Variants in TBC1D9B observed in about 807,000 individuals in gnomAD.
The protein encoded by TBC1D9B is TBC1 domain family member 9B.
In TBC1D9B, 87 loss-of-function variants were observed where a neutral mutation model predicts 121.1. The observed-to-expected ratio is 0.72, with a 90% CI of 0.60 to 0.86. The LOEUF (loss-of-function observed/expected upper bound fraction) is 0.86, where lower values mean the gene tolerates loss of function less well. TBC1D9B is among the 40% of genes least tolerant of loss of function. The pLI is 0.00. For synonymous variants in TBC1D9B, 668 were observed against 670.1 expected, an observed-to-expected ratio of 1.00 and a Z score of 0.05; for missense variants, 1,540 against 1,628.6, an observed-to-expected ratio of 0.95 and a Z score of 0.94.
At chr5:179,887,560 T>C (rs1760724457) in intron 7 of TBC1D9B, 2 of 159,268 alleles carry the variant, frequency 1.3e-5, no homozygotes, top group African/African-American at 4.8e-5. Flanking sequence ...TAAACAGATT[T>C]AAGAGACCTA....
At chr5:179,901,454 C>T (rs1239855022) in intron 2 of TBC1D9B, among the ~76,000 whole-genome samples, 1 of 152,172 alleles carries the variant, frequency 6.6e-6, no homozygotes, top group Non-Finnish European at 1.5e-5. Flanking sequence ...GAAATCTCCT[C>T]CTCGCTGCCT....
In TBC1D9B at chr5:179,870,457, G is replaced by T; in HGVS notation, c.2523C>A (p.Arg841=). ...TGGGGTCCCGACGGCCGGCCATTGTGCGGCTGCACCCCCAGTACTGGCTAG... is the reference window on the plus strand; with the variant it reads ...TGGGGTCCCGACGGCCGGCCATTGTTCGGCTGCACCCCCAGTACTGGCTAG... ...HLASQYWGCS[R]TMAGRRDPSL... Residue 841 remains arginine (R), a synonymous_variant, in exon 16 of 21, where the codon CGC becomes CGA. Coordinates refer to ENST00000355235, the MANE Select transcript of TBC1D9B (RefSeq NM_015043.4). The T allele has an allele frequency of 6.2e-7, 1 of 1,612,598 alleles. No homozygotes were observed. Among genetic ancestry groups the T allele is most frequent in the African/African-American group, 1.3e-5 (1 of 75,066 alleles).
At chr5:179,877,876 A>G (rs1760405636) in intron 10 of TBC1D9B, among the ~76,000 whole-genome samples, 1 of 152,184 alleles carries the variant, frequency 6.6e-6, no homozygotes, top group African/African-American at 2.4e-5. Context: ...AATGGAAAGT[A>G]GAACAGTGGT....
intron 7 of TBC1D9B, among the ~76,000 whole-genome samples, chr5:179,881,452 C>T (rs972214489): frequency 2.0e-5 from 3 of 152,188 alleles, no homozygotes; most frequent in African/African-American, 7.2e-5. Context: ...GTCGCTCTCC[C>T]AGCACAGAAC....
At chr5:179,877,592 T>C (rs1029782062) in intron 10 of TBC1D9B, among the ~76,000 whole-genome samples, 2 of 142,376 alleles carry the variant, frequency 1.4e-5, no homozygotes, top group African/African-American at 2.6e-5. Context: ...TGAACCTGGG[T>C]GGTAGAGGTT....
At chr5:179,866,568 G>C (rs1188944729) in intron 18 of TBC1D9B, 1 of 152,420 alleles carries the variant, frequency 6.6e-6, no homozygotes, top group African/African-American at 2.4e-5. Flanking sequence ...CACCTCTCTG[G>C]GCTCAGGCAA....
In TBC1D9B at chr5:179,900,547, C is replaced by T. The variant is rs551667602; in HGVS notation, c.230-1240G>A. Reference sequence around the variant, plus strand: ...GTGGTCAGATTCTGTAAGGTGGCCGCGAACACTGAGTTAGCGAATCCTGAA... The same window carrying T: ...GTGGTCAGATTCTGTAAGGTGGCCGTGAACACTGAGTTAGCGAATCCTGAA... On this transcript the variant is annotated intron_variant, in intron 2 of 20. Transcript: ENST00000355235. Among the ~76,000 whole-genome samples the T allele has an allele frequency of 7.9e-5, 12 of 152,252 alleles. No individual in the cohort carries two copies. The South Asian group carries it at 2.1e-3, about 26-fold the overall frequency.
In TBC1D9B at chr5:179,874,863, CT is replaced by C; in HGVS notation, c.2186+38del. 1 of 1,601,830 alleles carries C rather than the reference CT, an allele frequency of 6.2e-7. No homozygotes were observed. Among genetic ancestry groups the C allele is most frequent in the Non-Finnish European group, 8.5e-7 (1 of 1,175,560 alleles). On this transcript the variant is annotated intron_variant, in intron 12 of 20. Transcript: ENST00000355235. This position sits in a 1 kb window ranked among gnomAD's most constrained non-coding sequence, Gnocchi z 4.3. Reference sequence around the variant, plus strand: ...TGCCCGGGGCTGGTGAGGGGTTCTGCTGTGAGCCCCCAGCAGGAGAAGGAAC... The same window carrying C: ...TGCCCGGGGCTGGTGAGGGGTTCTGCGTGAGCCCCCAGCAGGAGAAGGAAC...
chr5:179,886,395 C>G (rs1760685051), intron 7 of TBC1D9B, among the ~76,000 whole-genome samples: 1 of 152,254 alleles, frequency 6.6e-6, no homozygotes, highest in Admixed American at 6.5e-5. Flanking sequence ...GTGAGTGGTG[C>G]TTACTCAGCT....
intron 18 of TBC1D9B, chr5:179,866,103 C>T: frequency 1.8e-6 from 1 of 564,538 alleles, no homozygotes; most frequent in South Asian, 2.1e-5. Flanking sequence ...CTCACTTGGT[C>T]AGGTTAAAAT....
chr5:179,879,230 C>A, intron 8 of TBC1D9B, 33 bp from the exon 9 acceptor site: 1 of 1,585,826 alleles, frequency 6.3e-7, no homozygotes, highest in Admixed American at 1.7e-5. Flanking sequence ...AGCCTGGGGG[C>A]CGAAGCGCAT....
chr5:179,907,185 G>A lies in TBC1D9B; in HGVS notation c.118+519C>T, dbSNP rs1761345494. Among the ~76,000 whole-genome samples the A allele has an allele frequency of 6.6e-6, 1 of 152,214 alleles. No homozygotes were observed. ...GAAAGGTGGGGGAGGAGAAGCTGGG[G>A]GAATGGGGGTGCGGCCAGCTCCAGG... On this transcript the variant is annotated intron_variant, in intron 1 of 20. Transcript: ENST00000355235. This position sits in a 1 kb window ranked among gnomAD's most constrained non-coding sequence, Gnocchi z 5.3.
rs1375453701 is a variant in TBC1D9B, at chr5:179,885,816, C to T, written c.1254+2287G>A. ...CATTAACACGTAAACAGGTCGTGCC[C>T]TCCTCTGGTCATGACTCTTCACTGG... On this transcript the variant is annotated intron_variant, in intron 7 of 20. Transcript: ENST00000355235. This position sits in a 1 kb window ranked among gnomAD's most constrained non-coding sequence, Gnocchi z 4.5. Among the ~76,000 whole-genome samples, 2 of 152,142 alleles carry T rather than the reference C, an allele frequency of 1.3e-5. No individual in the cohort carries two copies. Among genetic ancestry groups the T allele is most frequent in the Non-Finnish European group, 2.9e-5 (2 of 68,030 alleles).
rs143311367 is a variant in TBC1D9B, at chr5:179,894,438, C to G, written c.525G>C (p.Leu175=). The G allele has an allele frequency of 1.9e-4, 306 of 1,614,062 alleles. No homozygotes were observed. In the African/African-American group the frequency reaches 3.6e-3, roughly 19 times the overall value. Residue 175 remains leucine (L), a synonymous_variant, in exon 4 of 21, where the codon CTG becomes CTC. Coordinates refer to ENST00000355235, the MANE Select transcript of TBC1D9B (RefSeq NM_015043.4). ...WKGRVPRQGW[L]YLTVNHLCFY... The stretch of plus-strand genomic sequence containing the variant: ...AGCACAGGTGGTTGACCGTCAGGTA[C>G]AGCCAGCCCTGCCGGGGCACGCGGC...
At chr5:179,892,058 G>C (rs900417202) in intron 5 of TBC1D9B, among the ~76,000 whole-genome samples, 4 of 152,210 alleles carry the variant, frequency 2.6e-5, no homozygotes, top group Non-Finnish European at 5.9e-5. Context: ...AAAGCATGCG[G>C]CTGCTAACAG....
intron 18 of TBC1D9B, chr5:179,866,528 TCGCTGGCTGTCTGGTGGCAGTGAAGGGC>T (rs1760016379): frequency 6.6e-6 from 1 of 152,356 alleles, no homozygotes; most frequent in South Asian, 2.1e-4. Context: ...TGAGCTGCTC[TCGCTGGCTGTCTGGTGGCAGTGAAGGGC>T]ACACCTCTCT....
intron 5 of TBC1D9B, 143 bp downstream of exon 5, chr5:179,893,066 T>C: frequency 1.7e-6 from 2 of 1,207,156 alleles, no homozygotes; most frequent in Non-Finnish European, 2.3e-6. Context: ...TCTGTTTACC[T>C]GGCTTCCTTC....
chr5:179,867,976 G>T, intron 17 of TBC1D9B, 127 bp from the exon 18 acceptor site: 1 of 718,388 alleles, frequency 1.4e-6, no homozygotes, highest in Non-Finnish European at 2.1e-6. Flanking sequence ...CCCAGCACCT[G>T]CCCATGACAG....
rs962835771 is a variant in TBC1D9B, at chr5:179,862,889, G to A, written c.*559C>T. 3.2e-6 allele frequency: 1 copy of A among 312,296 alleles called. No individual in the cohort carries two copies. Among genetic ancestry groups the A allele is most frequent in the Non-Finnish European group, 6.5e-6 (1 of 152,872 alleles). The allele number at this position is 312,296 out of a possible 1,614,324, so 19.3% of individuals were successfully genotyped here. ...GAGCTGAGAGCACGTGTACAGCCAC[G>A]CCTGTGCGCAGCGCCCACTCTGTGC... On this transcript the variant is annotated 3_prime_UTR_variant, in exon 21 of 21. Transcript: ENST00000355235.
Sources: allele counts gnomAD v4.1 joint callset (sites outside exome capture counted in the v4.1 genomes callset), GRCh38; gene constraint gnomAD v4.1.1; non-coding constraint Gnocchi (gnomAD v3.1); transcripts MANE v1.5; gene names NCBI Gene and HGNC (gene_info 2026-07-23, HGNC 2026-07-21).